The following TRIM67 variants were observed in gnomAD, a reference collection of about 807,000 sequenced individuals.
TRIM67 encodes tripartite motif containing 67.
Under a neutral mutation model 71.0 loss-of-function variants are expected in TRIM67, and 39 were observed. The observed-to-expected ratio is 0.55, with a 90% CI of 0.43 to 0.72. The LOEUF (loss-of-function observed/expected upper bound fraction) is 0.72, where lower values mean the gene tolerates loss of function less well. TRIM67 is among the 30% of genes least tolerant of loss of function. The pLI, the probability that TRIM67 is intolerant of heterozygous loss-of-function variation, is 0.00. For synonymous variants in TRIM67, 481 were observed against 473.9 expected, an observed-to-expected ratio of 1.01 and a Z score of -0.19; for missense variants, 973 against 1,079.2, an observed-to-expected ratio of 0.90 and a Z score of 1.38.
At chr1:231,188,284 G>A (rs916243854) in intron 1 of TRIM67, among the ~76,000 whole-genome samples, 4 of 152,156 alleles carry the variant, frequency 2.6e-5, no homozygotes, top group Non-Finnish European at 4.4e-5. Context: ...CAGACTGATG[G>A]CAACGTTGCT....
intron 1 of TRIM67, among the ~76,000 whole-genome samples, chr1:231,182,621 G>T (rs1168067828): frequency 6.6e-6 from 1 of 152,128 alleles, no homozygotes; most frequent in East Asian, 1.9e-4. Context: ...TGAATGGCAA[G>T]GGCACAGGCA....
At chr1:231,184,977 A>C in intron 1 of TRIM67, 2 of 1,505,540 alleles carry the variant, frequency 1.3e-6, no homozygotes, top group Non-Finnish European at 1.8e-6. Flanking sequence ...AACACCCAGC[A>C]GTGCTCCTGA....
chr1:231,213,662 G>A (rs1683931653), intron 8 of TRIM67, among the ~76,000 whole-genome samples, 153 bp from the exon 9 acceptor site: 1 of 152,060 alleles, frequency 6.6e-6, no homozygotes, highest in Non-Finnish European at 1.5e-5. Flanking sequence ...GCCTGGGAGG[G>A]CGAGGCTGTT....
chr1:231,209,364 AT>A lies in TRIM67; in HGVS notation c.2123+118del, dbSNP rs1683803082. 3 of 1,215,822 alleles carry A rather than the reference AT, an allele frequency of 2.5e-6. No homozygotes were observed. The highest frequency in any genetic ancestry group is 3.3e-6 in the Non-Finnish European group (3 of 901,030). The allele number at this position is 1,215,822 out of a possible 1,614,324, so 75.3% of individuals were successfully genotyped here. A position where few individuals can be genotyped will look rare whatever the true frequency, so the allele number is the denominator to read the frequency against. ...AAGCCAGGAGGAATTGAGAGGAGGTATTTTCAGCCACTTTGGTCTCCATTTT... is the reference window on the plus strand; with the variant it reads ...AAGCCAGGAGGAATTGAGAGGAGGTATTTCAGCCACTTTGGTCTCCATTTT... On this transcript the variant is annotated intron_variant, in intron 8 of 9. Transcript: ENST00000366653. The surrounding 1 kb of genome is among the most constrained non-coding windows in gnomAD (Gnocchi z 4.1).
intron 1 of TRIM67, among the ~76,000 whole-genome samples, chr1:231,174,182 A>G (rs919405139): frequency 2.9e-5 from 4 of 139,712 alleles, no homozygotes; most frequent in Non-Finnish European, 4.6e-5. Flanking sequence ...ATTTAGAGAC[A>G]GGGTCTCATT....
intron 1 of TRIM67, among the ~76,000 whole-genome samples, chr1:231,186,429 C>T (rs116761584): frequency 9.9e-4 from 151 of 152,256 alleles, no homozygotes; most frequent in African/African-American, 3.4e-3. Flanking sequence ...AGAAATATAT[C>T]GTCTCACTGT....
rs543856700 is a variant in TRIM67 at position 231,218,791 on chromosome 1, G to C, written c.*3351G>C. The C allele has an allele frequency of 2.0e-6, 2 of 985,410 alleles. No individual in the cohort carries two copies. The highest frequency in any genetic ancestry group is 2.4e-6 in the Non-Finnish European group (2 of 829,930). The allele number at this position is 985,410 out of a possible 1,614,324, so 61.0% of individuals were successfully genotyped here. On this transcript the variant is annotated 3_prime_UTR_variant, in exon 10 of 10. Coordinates refer to ENST00000366653, the MANE Select transcript of TRIM67 (RefSeq NM_001004342.5). Reference sequence around the variant, plus strand: ...AAGTTTGAGGAGGGTGGTGCTTTCCGGATTGAGCCTGGGCAGGCTCTGTGG... The same window carrying C: ...AAGTTTGAGGAGGGTGGTGCTTTCCCGATTGAGCCTGGGCAGGCTCTGTGG...
intron 3 of TRIM67, among the ~76,000 whole-genome samples, chr1:231,199,879 T>C (rs1235302635): frequency 3.3e-5 from 5 of 152,242 alleles, no homozygotes; most frequent in African/African-American, 1.2e-4. Context: ...TTCCAGATTA[T>C]GCTCTTTCTC....
At chr1:231,202,661 T>C (rs1683585038) in intron 5 of TRIM67, among the ~76,000 whole-genome samples, 1 of 152,178 alleles carries the variant, frequency 6.6e-6, no homozygotes, top group Non-Finnish European at 1.5e-5. Context: ...AGTCCTTACC[T>C]GCATAATTTG....
intron 1 of TRIM67, among the ~76,000 whole-genome samples, chr1:231,188,260 G>T (rs920335580): frequency 6.6e-6 from 1 of 152,188 alleles, no homozygotes; most frequent in African/African-American, 2.4e-5. Context: ...CCCCTGCAGT[G>T]CAGGGACAAA....
chr1:231,179,878 C>T (rs866941304), intron 1 of TRIM67, among the ~76,000 whole-genome samples: 13 of 152,148 alleles, frequency 8.5e-5, no homozygotes, highest in South Asian at 4.1e-4. Context: ...CAGTGTGGTG[C>T]TGATTAGAGG....
Position 231,217,846 on chromosome 1 carries a change from A to C in TRIM67, c.*2406A>C, listed in dbSNP as rs1162647422. 4.7e-6 allele frequency: 6 copies of C among 1,289,696 alleles called. No homozygotes were observed. Among genetic ancestry groups the C allele is most frequent in the Non-Finnish European group, 6.1e-6 (6 of 988,798 alleles). 79.9% of individuals were successfully genotyped at this position (1,289,696 alleles called of 1,614,324 possible). ...TCAGGAGAGAAGTGGAAAGTGCAGG[A>C]GGGTAATGCCCTCAAATCCGGTGGC... On this transcript the variant is annotated 3_prime_UTR_variant, in exon 10 of 10. Coordinates refer to ENST00000366653, the MANE Select transcript of TRIM67 (RefSeq NM_001004342.5).
chr1:231,195,353 C>G (rs530326699), intron 1 of TRIM67, among the ~76,000 whole-genome samples: 3 of 152,352 alleles, frequency 2.0e-5, no homozygotes, highest in African/African-American at 7.2e-5. Flanking sequence ...TACCCACAGG[C>G]AGCTAGCGGC....
intron 3 of TRIM67, 94 bp downstream of exon 3, chr1:231,199,263 G>A: frequency 4.1e-6 from 5 of 1,214,706 alleles, no homozygotes; most frequent in Non-Finnish European, 6.0e-6. Context: ...GGAAATAACA[G>A]CTAAGTGAGT....
chr1:231,204,155 G>T (rs180993808), intron 6 of TRIM67, 143 bp downstream of exon 6: 1 of 1,294,910 alleles, frequency 7.7e-7, no homozygotes, highest in East Asian at 2.5e-5. Flanking sequence ...GGATAAAGAA[G>T]GCTGGCGGAG....
In TRIM67 at chr1:231,209,742, G is replaced by C. The variant is rs2102761234; in HGVS notation, c.2123+492G>C. Among the ~76,000 whole-genome samples, 1 of 152,346 alleles carries C rather than the reference G, an allele frequency of 6.6e-6. No homozygotes were observed. The highest frequency in any genetic ancestry group is 2.1e-4 in the South Asian group (1 of 4,830). On this transcript the variant is annotated intron_variant, in intron 8 of 9. Transcript: ENST00000366653. The surrounding 1 kb of genome is among the most constrained non-coding windows in gnomAD (Gnocchi z 4.1). ...TCGGCAGGGCCGGGCCCTTGACAGG[G>C]CAGTAGCAGAGGGCATGGCTGGGGT...
chr1:231,198,898 A>G, intron 2 of TRIM67, 149 bp from the exon 3 acceptor site: 2 of 1,299,046 alleles, frequency 1.5e-6, no homozygotes, highest in East Asian at 2.4e-5. Context: ...CTTAATTCAT[A>G]TAAATATTGT....
chr1:231,185,626 A>G (rs1448847922), intron 1 of TRIM67, among the ~76,000 whole-genome samples: 2 of 151,962 alleles, frequency 1.3e-5, no homozygotes, highest in Non-Finnish European at 1.5e-5. Flanking sequence ...TCCCCAGAGC[A>G]CACAGCACGA....
At chr1:231,194,384 G>C (rs1558300597) in intron 1 of TRIM67, among the ~76,000 whole-genome samples, 1 of 152,190 alleles carries the variant, frequency 6.6e-6, no homozygotes, top group Non-Finnish European at 1.5e-5. Flanking sequence ...ACCCCACTAA[G>C]GATGTGGCAA....
Sources: gnomAD v4.1 joint callset for allele counts (sites outside exome capture counted in the v4.1 genomes callset) on GRCh38, gnomAD v4.1.1 for gene constraint, Gnocchi (gnomAD v3.1) non-coding constraint, MANE v1.5 for transcripts, NCBI Gene and HGNC (gene_info 2026-07-23, HGNC 2026-07-21) for gene names.